Variants in CDH20 observed in about 807,000 individuals in gnomAD.
CDH20 encodes the protein cadherin 20.
A neutral mutation model predicts 74.2 loss-of-function variants in CDH20; 29 were observed. That is an observed-to-expected ratio of 0.39 (90% CI 0.29 to 0.53). CDH20 has a LOEUF of 0.53. Among genes scored for constraint, CDH20 ranks in the 20% least tolerant of loss-of-function variants. CDH20 has a pLI of 0.69. For missense variants in CDH20, 988 were observed against 1,048.3 expected, an observed-to-expected ratio of 0.94 and a Z score of 0.79; for synonymous variants, 469 against 405.4, an observed-to-expected ratio of 1.16 and a Z score of -1.88.
chr18:61,423,445 T>C (rs1912959512), intron 1 of CDH20, among the ~76,000 whole-genome samples: 1 of 152,206 alleles, frequency 6.6e-6, no homozygotes, highest in South Asian at 2.1e-4. Flanking sequence ...CATTCACTTG[T>C]TTGTGAATAA....
rs199534320 is a variant in CDH20 at position 61,497,107 on chromosome 18, G to A, written c.247-2079G>A. 4.7e-4 allele frequency among the ~76,000 whole-genome samples: 64 copies of A among 137,524 alleles called. 1 individual carries two copies. The highest frequency in any genetic ancestry group is 3.6e-3 in the Middle Eastern group (1 of 274). The allele number at this position is 137,524 out of a possible 152,430, so 90.2% of individuals were successfully genotyped here. The stretch of plus-strand genomic sequence containing the variant: ...TTGGATTGTAAAAAAAAAAAAGAAA[G>A]AAAGAAAGAAAGAAAGAAAAAAGAA... On this transcript the variant is annotated intron_variant, in intron 2 of 11. Transcript: ENST00000262717.
chr18:61,420,029 T>C (rs1310034355), intron 1 of CDH20, among the ~76,000 whole-genome samples: 2 of 152,162 alleles, frequency 1.3e-5, no homozygotes, highest in African/African-American at 4.8e-5. Flanking sequence ...CATTTATTAA[T>C]GCAGCCCCAT....
At chr18:61,472,219 C>T (rs112854561) in intron 1 of CDH20, among the ~76,000 whole-genome samples, 1,802 of 152,152 alleles carry the variant, frequency 0.012, 16 homozygotes, top group Non-Finnish European at 0.018. Flanking sequence ...TAAGAGATGC[C>T]TTTTGTTCCC....
At chr18:61,496,583 G>C (rs544495170) in intron 2 of CDH20, among the ~76,000 whole-genome samples, 1 of 152,130 alleles carries the variant, frequency 6.6e-6, no homozygotes, top group African/African-American at 2.4e-5. Context: ...AGTCAGGGGC[G>C]CCCTGTGGTG....
At chr18:61,456,428 CAA>C (rs1909572863) in intron 1 of CDH20, among the ~76,000 whole-genome samples, 1 of 151,962 alleles carries the variant, frequency 6.6e-6, no homozygotes, top group South Asian at 2.1e-4. Flanking sequence ...TTAAAACCTA[CAA>C]ACCAAATCTC....
intron 1 of CDH20, among the ~76,000 whole-genome samples, chr18:61,453,853 G>A (rs576674315): frequency 6.6e-6 from 1 of 152,248 alleles, no homozygotes; most frequent in East Asian, 1.9e-4. Context: ...TATGGCAGTT[G>A]CATGTTTAAT....
At chr18:61,551,089 C>T (rs562109824) in intron 11 of CDH20, among the ~76,000 whole-genome samples, 66 of 152,318 alleles carry the variant, frequency 4.3e-4, no homozygotes, top group African/African-American at 1.5e-3. Context: ...TTCCTTCTTC[C>T]TCTCAAGTCA....
chr18:61,520,036 G>T (rs548750417), intron 6 of CDH20, among the ~76,000 whole-genome samples: 1 of 150,528 alleles, frequency 6.6e-6, no homozygotes, highest in East Asian at 1.9e-4. Context: ...AGACAAAAAG[G>T]CCAGGCGTGG....
At chr18:61,527,310 A>G (rs1030293207) in intron 6 of CDH20, among the ~76,000 whole-genome samples, 2 of 104,452 alleles carry the variant, frequency 1.9e-5, no homozygotes, top group Non-Finnish European at 3.9e-5. Flanking sequence ...TTTGTACTCA[A>G]GAATAATTTT....
At chr18:61,456,779 A>C (rs1331207076) in intron 1 of CDH20, among the ~76,000 whole-genome samples, 2 of 152,196 alleles carry the variant, frequency 1.3e-5, no homozygotes, top group African/African-American at 4.8e-5. Context: ...ACAGTTCTGA[A>C]AACTGGGAAA....
chr18:61,475,001 T>C (rs911819011), intron 1 of CDH20, among the ~76,000 whole-genome samples: 2 of 152,016 alleles, frequency 1.3e-5, no homozygotes, highest in Admixed American at 1.3e-4. Flanking sequence ...GGGAGCCAGA[T>C]TGTGTAGGTC....
rs986585949 is a variant in CDH20 at position 61,390,760 on chromosome 18, T to A, written c.-153+56933T>A. Among the ~76,000 whole-genome samples, 7 of 151,250 alleles carry A rather than the reference T, an allele frequency of 4.6e-5. No homozygotes were observed. The East Asian group carries it at 1.4e-3, about 29-fold the overall frequency. On this transcript the variant is annotated intron_variant, in intron 1 of 11. Coordinates refer to ENST00000262717, the MANE Select transcript of CDH20 (RefSeq NM_031891.4). ...GGTTGTTCAAGACAGTTGCCTAGGTTAGGGAAGGAAATAGTGGTTATTCAA... is the reference window on the plus strand; with the variant it reads ...GGTTGTTCAAGACAGTTGCCTAGGTAAGGGAAGGAAATAGTGGTTATTCAA...
At chr18:61,473,178 G>A (rs934229981) in intron 1 of CDH20, among the ~76,000 whole-genome samples, 1 of 152,072 alleles carries the variant, frequency 6.6e-6, no homozygotes, top group Admixed American at 6.6e-5. Flanking sequence ...AAACAACTTG[G>A]GGAAATAGAT....
intron 11 of CDH20, among the ~76,000 whole-genome samples, chr18:61,553,390 T>C (rs1014704165): frequency 6.6e-6 from 1 of 152,066 alleles, no homozygotes; most frequent in African/African-American, 2.4e-5. Context: ...GCGAACACAT[T>C]CTAGGGGGGA....
chr18:61,521,128 A>C (rs1000202879), intron 6 of CDH20, among the ~76,000 whole-genome samples: 1 of 151,120 alleles, frequency 6.6e-6, no homozygotes, highest in African/African-American at 2.5e-5. Context: ...AAATCATTGA[A>C]TCCAGGAGCT....
At chr18:61,489,963 A>AT (rs1012823912) in intron 1 of CDH20, among the ~76,000 whole-genome samples, 9 of 152,070 alleles carry the variant, frequency 5.9e-5, no homozygotes, top group Admixed American at 1.3e-4. Flanking sequence ...GGATTTTACT[A>AT]TTTTTTTAAT....
chr18:61,512,271 C>T (rs1341525459), intron 6 of CDH20, among the ~76,000 whole-genome samples: 1 of 152,098 alleles, frequency 6.6e-6, no homozygotes, highest in East Asian at 1.9e-4. Context: ...ATATAATTTT[C>T]AGGATGTTCT....
intron 1 of CDH20, among the ~76,000 whole-genome samples, chr18:61,418,871 C>T (rs1391846132): frequency 2.0e-5 from 3 of 152,084 alleles, no homozygotes; most frequent in African/African-American, 7.2e-5. Context: ...TCTTTATGCA[C>T]ATAGGGAAAT....
At chr18:61,492,063 C>A (rs1910976599) in intron 2 of CDH20, among the ~76,000 whole-genome samples, 1 of 152,032 alleles carries the variant, frequency 6.6e-6, no homozygotes, top group Non-Finnish European at 1.5e-5. Context: ...TGGCTTAGAC[C>A]ACTTTGGGTT....
Sources: allele counts gnomAD v4.1 joint callset (sites outside exome capture counted in the v4.1 genomes callset), GRCh38; gene constraint gnomAD v4.1.1; transcripts MANE v1.5; gene names NCBI Gene and HGNC (gene_info 2026-07-23, HGNC 2026-07-21).